Variants in GSTA1 observed in about 807,000 individuals in gnomAD.
GSTA1 encodes the protein glutathione S-transferase alpha 1, also known as glutathione S-transferase A1.
In GSTA1, 23 loss-of-function variants were observed where a neutral mutation model predicts 21.5. That is an observed-to-expected ratio of 1.07 (90% CI 0.77 to 1.52). The LOEUF (loss-of-function observed/expected upper bound fraction) is 1.52, where lower values mean the gene tolerates loss of function less well. Among genes scored for constraint, GSTA1 ranks in the 40% most tolerant of loss-of-function variants. GSTA1 has a pLI of 0.00. For missense variants in GSTA1, 301 were observed against 264.2 expected (o/e 1.14, Z -0.96); for synonymous variants, 125 against 90.0 (o/e 1.39, Z -2.20).
intron 3 of GSTA1, among the ~76,000 whole-genome samples, 199 bp from the exon 4 acceptor site, chr6:52,796,513 G>T (rs1487815851): frequency 1.1e-4 from 1 of 8,902 alleles, no homozygotes; most frequent in Non-Finnish European, 2.6e-4. Context: ...GTGTGTGTGT[G>T]TGTGTGTGTG....
intron 2 of GSTA1, 81 bp from the exon 3 acceptor site, chr6:52,797,718 T>C: frequency 8.4e-7 from 1 of 1,196,212 alleles, no homozygotes; most frequent in South Asian, 1.2e-5. Context: ...ATCTGGTGCA[T>C]CATTTGGAGA....
intron 3 of GSTA1, among the ~76,000 whole-genome samples, chr6:52,797,252 T>C (rs1322008004): frequency 2.0e-5 from 3 of 152,206 alleles, no homozygotes; most frequent in Non-Finnish European, 4.4e-5. Flanking sequence ...ATGCATGTTC[T>C]TGCATGTGCT....
chr6:52,796,483 A>G (rs1293148761), intron 3 of GSTA1, among the ~76,000 whole-genome samples, 169 bp from the exon 4 acceptor site: 16 of 4,638 alleles, frequency 3.4e-3, no homozygotes, highest in African/African-American at 0.021. Flanking sequence ...ATATATATAT[A>G]TATATATGTG....
chr6:52,792,249 C>T (rs1763476076), intron 6 of GSTA1, among the ~76,000 whole-genome samples: 1 of 152,164 alleles, frequency 6.6e-6, no homozygotes, highest in African/African-American at 2.4e-5. Flanking sequence ...AGATTAGTGA[C>T]TCTTGTATAA....
At chr6:52,800,123 T>C (rs770226079) in intron 1 of GSTA1, among the ~76,000 whole-genome samples, 1 of 152,240 alleles carries the variant, frequency 6.6e-6, no homozygotes, top group Non-Finnish European at 1.5e-5. Flanking sequence ...TTTTGCAATA[T>C]GGAAGGAGCT....
At chr6:52,799,870 A>C (rs548104921) in intron 1 of GSTA1, among the ~76,000 whole-genome samples, 67 of 152,356 alleles carry the variant, frequency 4.4e-4, no homozygotes, top group African/African-American at 1.6e-3. Context: ...CCATGAAACC[A>C]GAGGATGTCA....
intron 2 of GSTA1, 57 bp from the exon 3 acceptor site, chr6:52,797,694 C>A: frequency 1.2e-5 from 17 of 1,407,794 alleles, no homozygotes; most frequent in Non-Finnish European, 1.7e-5. Context: ...TAGACTGTGG[C>A]CTTGAATGGC....
At chr6:52,797,546 C>T in intron 3 of GSTA1, 40 bp downstream of exon 3, 3 of 1,521,522 alleles carry the variant, frequency 2.0e-6, no homozygotes, top group Non-Finnish European at 2.7e-6. Context: ...GTACCTTCTA[C>T]TAGATACCCT....
chr6:52,796,869 G>T (rs1763603563), intron 3 of GSTA1, among the ~76,000 whole-genome samples: 1 of 151,780 alleles, frequency 6.6e-6, no homozygotes, highest in African/African-American at 2.4e-5. Context: ...GCTTCCTGTA[G>T]TTCTTCTTTT....
At chr6:52,802,278 C>T (rs1345730708) in intron 1 of GSTA1, among the ~76,000 whole-genome samples, 1 of 152,166 alleles carries the variant, frequency 6.6e-6, no homozygotes, top group African/African-American at 2.4e-5. Context: ...GTTACATTTA[C>T]ATCTCTGAGG....
Position 52,796,336 on chromosome 6 carries a change from G to T in GSTA1, c.140-22C>A, listed in dbSNP as rs372848666. 9.3e-6 allele frequency: 15 copies of T among 1,613,348 alleles called. No homozygotes were observed. In the Admixed American group the frequency reaches 1.5e-4, roughly 16 times the overall value. On this transcript the variant is annotated intron_variant, in intron 3 of 6. Transcript: ENST00000334575. ...CCATCTTTAGAAGGAAGAAAAAAAA[G>T]GAGAGTGAAGTGTCTATGAAACCCA...
At chr6:52,796,079 C>G in intron 4 of GSTA1, 103 bp downstream of exon 4, 1 of 1,563,064 alleles carries the variant, frequency 6.4e-7, no homozygotes, top group Non-Finnish European at 8.8e-7. Flanking sequence ...CAAGGCCCAG[C>G]CTGCTGCTGG....
At chr6:52,800,979 T>C (rs187022296) in intron 1 of GSTA1, among the ~76,000 whole-genome samples, 1 of 152,258 alleles carries the variant, frequency 6.6e-6, no homozygotes, top group East Asian at 1.9e-4. Context: ...CTTCCCAGGT[T>C]CTAGTGATTC....
intron 2 of GSTA1, 61 bp downstream of exon 2, chr6:52,799,120 G>T: frequency 6.7e-7 from 1 of 1,484,352 alleles, no homozygotes; most frequent in South Asian, 1.1e-5. Flanking sequence ...AGTTTCTGTG[G>T]GAAAAGTATG....
chr6:52,801,714 A>G (rs1206475312), intron 1 of GSTA1, among the ~76,000 whole-genome samples: 2 of 152,202 alleles, frequency 1.3e-5, no homozygotes, highest in Non-Finnish European at 2.9e-5. Context: ...AGAACCAGAG[A>G]GCTCAAGGAT....
In GSTA1 at chr6:52,799,134, T is replaced by TA. The variant is rs144062978; in HGVS notation, c.87+46dup. The TA allele has an allele frequency of 3.4e-3, 5,292 of 1,555,562 alleles. 150 individuals are homozygous for TA. In the African/African-American group the frequency reaches 0.063, roughly 19 times the overall value. On this transcript the variant is annotated intron_variant, in intron 2 of 6. Transcript: ENST00000334575. ...TAGTTTCTGTGGGAAAAGTATGTGA[T>TA]AACACAATTTTAAATCCAACTTAAG... is the stretch of plus-strand genomic sequence containing the variant.
At chr6:52,800,252 T>G (rs1156707375) in intron 1 of GSTA1, among the ~76,000 whole-genome samples, 1 of 152,234 alleles carries the variant, frequency 6.6e-6, no homozygotes, top group South Asian at 2.1e-4. Flanking sequence ...TTGAGGATAC[T>G]GAGGTTTTTA....
intron 1 of GSTA1, among the ~76,000 whole-genome samples, chr6:52,800,366 A>G (rs1222504681): frequency 6.6e-6 from 1 of 152,252 alleles, no homozygotes; most frequent in Non-Finnish European, 1.5e-5. Flanking sequence ...TGAAATATGC[A>G]TGGTAATCTT....
rs1336534480 is a variant in GSTA1, at chr6:52,796,251, G to T, written c.203C>A (p.Thr68Asn). 6.2e-7 allele frequency: 1 copy of T among 1,613,610 alleles called. No individual in the cohort carries two copies. The highest frequency in any genetic ancestry group is 1.3e-5 in the African/African-American group (1 of 74,820). Residue 68 changes from threonine (T) to asparagine (N), a missense_variant, in exon 4 of 7, where the codon ACC becomes AAC. By Grantham distance (65) the Thr-to-Asn change is moderately conservative. Coordinates refer to ENST00000334575, the MANE Select transcript of GSTA1 (RefSeq NM_145740.5). The stretch of plus-strand genomic sequence containing the variant: ...GGCAATGTAGTTGAGAATGGCTCTG[G>T]TCTGCACCAGCTTCATCCCATCAAT... The part of the protein sequence containing the change: ...VEIDGMKLVQ[T>N]RAILNYIASK...
Sources: allele counts gnomAD v4.1 joint callset (sites outside exome capture counted in the v4.1 genomes callset), GRCh38; gene constraint gnomAD v4.1.1; transcripts MANE v1.5; gene names NCBI Gene and HGNC (gene_info 2026-07-23, HGNC 2026-07-21).